RAB4A: variants seen among roughly 807,000 people sequenced by gnomAD.
RAB4A encodes the protein RAB4A, member RAS oncogene family.
In RAB4A, 20 loss-of-function variants were observed where a neutral mutation model predicts 34.5. That is an observed-to-expected ratio of 0.58 (90% CI 0.41 to 0.84). The LOEUF (loss-of-function observed/expected upper bound fraction) is 0.84. Ranked by LOEUF, RAB4A falls within the 40% of genes least tolerant of loss-of-function variation. The probability of loss-of-function intolerance (pLI) is 0.00; values close to 1 mark genes in which losing one functional copy is unlikely to be tolerated. For synonymous variants in RAB4A, 102 were observed against 100.0 expected (o/e 1.02, Z -0.12); for missense variants, 228 against 274.5 (o/e 0.83, Z 1.20).
intron 3 of RAB4A, among the ~76,000 whole-genome samples, chr1:229,294,494 T>G (rs1657182726): frequency 6.6e-6 from 1 of 152,094 alleles, no homozygotes; most frequent in African/African-American, 2.4e-5. Flanking sequence ...AGATGGACAC[T>G]AGGTTGGCGG....
Position 229,271,223 on chromosome 1 carries a change from C to T in RAB4A, c.-117C>T. The T allele has an allele frequency of 3.7e-6, 4 of 1,070,270 alleles. No individual in the cohort carries two copies. The highest frequency in any genetic ancestry group is 6.7e-5 in the South Asian group (2 of 29,644). The allele number at this position is 1,070,270 out of a possible 1,614,324, so 66.3% of individuals were successfully genotyped here. A position where few individuals can be genotyped will look rare whatever the true frequency, so the allele number is the denominator to read the frequency against. On this transcript the variant is annotated 5_prime_UTR_variant, in exon 1 of 8. Coordinates refer to ENST00000366690, the MANE Select transcript of RAB4A (RefSeq NM_004578.4). Reference sequence around the variant, plus strand: ...GGAGACCGGCGGTTGCCGTGGGGACCGGTCGGGCCCCTCCCTCCTCCGGTC... The same window carrying T: ...GGAGACCGGCGGTTGCCGTGGGGACTGGTCGGGCCCCTCCCTCCTCCGGTC...
chr1:229,302,263 A>ATG, intron 6 of RAB4A, among the ~76,000 whole-genome samples: 1 of 12,068 alleles, frequency 8.3e-5, no homozygotes, highest in Middle Eastern at 0.026. Flanking sequence ...ATAATTATAT[A>ATG]TATATATATA....
At position 229,286,680 on chromosome 1, in the gene RAB4A, G is replaced by A. The variant is rs1656931835; in HGVS notation, c.112+114G>A. The A allele has an allele frequency of 4.8e-6, 3 of 623,272 alleles. No homozygotes were observed. In the East Asian group the frequency reaches 9.1e-5, roughly 19 times the overall value. 38.6% of individuals were successfully genotyped at this position (623,272 alleles called of 1,614,324 possible). ...AGAGGAAAAAAGTAATAGTTTGAAA[G>A]TATTTTGAAGGGTTATGTTATTGAA... On this transcript the variant is annotated intron_variant, in intron 2 of 7. Coordinates refer to ENST00000366690, the MANE Select transcript of RAB4A (RefSeq NM_004578.4).
At chr1:229,291,206 G>T (rs1458431609) in intron 3 of RAB4A, among the ~76,000 whole-genome samples, 4 of 152,238 alleles carry the variant, frequency 2.6e-5, no homozygotes, top group Non-Finnish European at 2.9e-5. Context: ...AAGTGTGCAA[G>T]TAAAGGCTGA....
chr1:229,284,909 T>C (rs1302152948), intron 1 of RAB4A, among the ~76,000 whole-genome samples: 2 of 152,214 alleles, frequency 1.3e-5, no homozygotes, highest in African/African-American at 4.8e-5. Context: ...TTATATGTTC[T>C]GTCCTCAGCT....
At chr1:229,295,444 G>A (rs1490662267) in intron 3 of RAB4A, among the ~76,000 whole-genome samples, 8 of 152,170 alleles carry the variant, frequency 5.3e-5, no homozygotes, top group Admixed American at 3.9e-4. Context: ...CCACCGCGCC[G>A]AGAGGTGGCG....
In RAB4A at chr1:229,305,428, C is replaced by T. The variant is rs974759338; in HGVS notation, c.*1635C>T. 15 of 827,704 alleles carry T rather than the reference C, an allele frequency of 1.8e-5. No homozygotes were observed. The highest frequency in any genetic ancestry group is 2.5e-5 in the South Asian group (1 of 40,646). The allele number at this position is 827,704 out of a possible 1,614,324, so 51.3% of individuals were successfully genotyped here. Reference sequence around the variant, plus strand: ...GATAAATGTAAAGTTGTTTTATAAACGATCCTGTTAATTAAACCACAGACA... The same window carrying T: ...GATAAATGTAAAGTTGTTTTATAAATGATCCTGTTAATTAAACCACAGACA... On this transcript the variant is annotated 3_prime_UTR_variant, in exon 8 of 8. Coordinates refer to ENST00000366690, the MANE Select transcript of RAB4A (RefSeq NM_004578.4).
At position 229,303,955 on chromosome 1, in the gene RAB4A, C is replaced by T. The variant is rs1466791535; in HGVS notation, c.*162C>T. The T allele has an allele frequency of 6.6e-6, 1 of 152,140 alleles. No homozygotes were observed. Among genetic ancestry groups the T allele is most frequent in the Non-Finnish European group, 1.5e-5 (1 of 68,034 alleles). 9.4% of individuals were successfully genotyped at this position (152,140 alleles called of 1,614,324 possible). ...GTTCTGCAAGCCAGTCAAAGTGGCA[C>T]AGCAAATCATATAAATCGAATTAAA... is the stretch of plus-strand genomic sequence containing the variant. On this transcript the variant is annotated 3_prime_UTR_variant, in exon 8 of 8. Coordinates refer to ENST00000366690, the MANE Select transcript of RAB4A (RefSeq NM_004578.4).
chr1:229,283,836 C>T (rs1429855456), intron 1 of RAB4A, among the ~76,000 whole-genome samples: 1 of 151,236 alleles, frequency 6.6e-6, no homozygotes, highest in Non-Finnish European at 1.5e-5. Context: ...AAGCAATTCT[C>T]CTGCCTCAGC....
intron 3 of RAB4A, among the ~76,000 whole-genome samples, chr1:229,291,158 A>G (rs1231636841): frequency 6.6e-6 from 1 of 152,252 alleles, no homozygotes; most frequent in African/African-American, 2.4e-5. Context: ...AGGGTGAAAT[A>G]ATTCTTCAAC....
In RAB4A at chr1:229,304,573, A is replaced by T. The variant is rs1240006326; in HGVS notation, c.*780A>T. On this transcript the variant is annotated 3_prime_UTR_variant, in exon 8 of 8. Transcript: ENST00000366690. ...CTACTAATACTTCTCTCAGCAGTTG[A>T]TCAAATACAATAGACCATGTAAGCT... 6.6e-6 allele frequency: 1 copy of T among 152,212 alleles called. No individual in the cohort carries two copies. Among genetic ancestry groups the T allele is most frequent in the African/African-American group, 2.4e-5 (1 of 41,452 alleles). The allele number at this position is 152,212 out of a possible 1,614,324, so 9.4% of individuals were successfully genotyped here. A position where few individuals can be genotyped will look rare whatever the true frequency, so the allele number is the denominator to read the frequency against.
chr1:229,301,057 A>G (rs1657375229), intron 6 of RAB4A, among the ~76,000 whole-genome samples: 1 of 152,176 alleles, frequency 6.6e-6, no homozygotes, highest in Non-Finnish European at 1.5e-5. Flanking sequence ...AAAAACACAC[A>G]TTGGGATGGG....
Position 229,295,910 on chromosome 1 carries a change from G to C in RAB4A, c.290G>C (p.Ser97Thr). ...AGALLVYDIT[S>T]RETYNALTNW... The stretch of plus-strand genomic sequence containing the variant: ...GCTCTCCTCGTCTATGATATCACCA[G>C]GTAATGCCAGCTCCCCCTGGTGAAG... The change falls in exon 4 of 8, where the codon AGC (serine) becomes ACC (threonine). Residue 97 changes from serine (S) to threonine (T), a missense_variant and splice_region_variant. Ser to Thr is a moderately conservative substitution (Grantham distance 58, BLOSUM62 1). Transcript: ENST00000366690. 2 of 1,614,062 alleles carry C rather than the reference G, an allele frequency of 1.2e-6. No homozygotes were observed. The highest frequency in any genetic ancestry group is 1.7e-6 in the Non-Finnish European group (2 of 1,179,982).
At chr1:229,291,531 C>G (rs1450279911) in intron 3 of RAB4A, among the ~76,000 whole-genome samples, 1 of 152,198 alleles carries the variant, frequency 6.6e-6, no homozygotes, top group Admixed American at 6.5e-5. Context: ...CTCTGAAATT[C>G]AGTTTCCTAA....
At chr1:229,275,614 CTTTTTTTT>C (rs1028884521) in intron 1 of RAB4A, among the ~76,000 whole-genome samples, 8 of 131,048 alleles carry the variant, frequency 6.1e-5, no homozygotes, top group African/African-American at 1.9e-4. Flanking sequence ...ATTTCTTTTC[CTTTTTTTT>C]TTTTTTTTTT....
At chr1:229,287,261 G>A (rs1656947849) in intron 2 of RAB4A, among the ~76,000 whole-genome samples, 1 of 152,166 alleles carries the variant, frequency 6.6e-6, no homozygotes, top group Non-Finnish European at 1.5e-5. Context: ...GGTAGGTGGT[G>A]GGTAAAAAGG....
intron 3 of RAB4A, among the ~76,000 whole-genome samples, chr1:229,292,020 G>C (rs866189965): frequency 1.5e-5 from 2 of 135,962 alleles, no homozygotes; most frequent in Non-Finnish European, 1.5e-5. Context: ...TGAATAATGA[G>C]AACACATGGA....
intron 1 of RAB4A, among the ~76,000 whole-genome samples, chr1:229,276,932 AG>A (rs1656665533): frequency 6.7e-6 from 1 of 150,058 alleles, no homozygotes; most frequent in Non-Finnish European, 1.5e-5. Context: ...AGGATACAAG[AG>A]CCTCCTGGGC....
In RAB4A at chr1:229,295,898, A is replaced by C; in HGVS notation, c.278A>C (p.Tyr93Ser). The change falls in exon 4 of 8, where the codon TAT (tyrosine) becomes TCT (serine). Residue 93 changes from tyrosine (Y) to serine (S), a missense_variant. Transcript: ENST00000366690. ...YRGAAGALLV[Y>S]DITSRETYNA... ...GGCGCGGCCGGGGCTCTCCTCGTCT[A>C]TGATATCACCAGGTAATGCCAGCTC... 1.2e-6 allele frequency: 2 copies of C among 1,614,072 alleles called. No individual in the cohort carries two copies. Among genetic ancestry groups the C allele is most frequent in the South Asian group, 1.1e-5 (1 of 91,072 alleles).
Sources: gnomAD v4.1 joint callset for allele counts (sites outside exome capture counted in the v4.1 genomes callset) on GRCh38, gnomAD v4.1.1 for gene constraint, MANE v1.5 for transcripts, NCBI Gene and HGNC (gene_info 2026-07-23, HGNC 2026-07-21) for gene names.